Variants in ROBO1 observed in about 807,000 individuals in gnomAD.
The protein encoded by ROBO1 is roundabout homolog 1.
A neutral mutation model predicts 195.9 loss-of-function variants in ROBO1; 149 were observed. The ratio of observed to expected loss-of-function variants is 0.76; its 90% CI spans 0.67 to 0.87. The LOEUF (loss-of-function observed/expected upper bound fraction) is 0.87, where lower values mean the gene tolerates loss of function less well. ROBO1 is among the 40% of genes least tolerant of loss of function. ROBO1 has a pLI of 0.00. For missense variants in ROBO1, 1,933 were observed against 2,068.3 expected, an observed-to-expected ratio of 0.93 and a Z score of 1.27; for synonymous variants, 816 against 733.2, an observed-to-expected ratio of 1.11 and a Z score of -1.82.
intron 2 of ROBO1, among the ~76,000 whole-genome samples, chr3:79,546,007 T>C (rs6770763): frequency 0.72 from 108,899 of 151,886 alleles, 40,251 homozygotes; most frequent in African/African-American, 0.92. Flanking sequence ...CCTTTTTCTC[T>C]TCCTCCTGGC....
chr3:79,058,566 C>T (rs1160498005), intron 3 of ROBO1, among the ~76,000 whole-genome samples: 2 of 152,044 alleles, frequency 1.3e-5, no homozygotes, highest in South Asian at 4.1e-4. Flanking sequence ...AGACATTCTG[C>T]TTTGCTTACC....
intron 1 of ROBO1, among the ~76,000 whole-genome samples, chr3:79,668,499 G>T (rs558199950): frequency 6.6e-6 from 1 of 151,034 alleles, no homozygotes; most frequent in African/African-American, 2.4e-5. Flanking sequence ...TAATTAATTA[G>T]AAGTTATTAA....
In ROBO1 at chr3:78,685,729, AATGTTTT is replaced by A. The variant is rs749335812; in HGVS notation, c.1342+10_1342+16del. 4.5e-6 allele frequency: 7 copies of A among 1,550,466 alleles called. No homozygotes were observed. The African/African-American group carries it at 9.5e-5, about 21-fold the overall frequency. ...GTCAAACTTGGACATTTTGAAATAA[AATGTTTT>A]ACACTTTACCATCTGTAACTTCCAA... On this transcript the variant is annotated intron_variant, in intron 10 of 30. Transcript: ENST00000464233.
At chr3:79,013,745 G>C (rs913904751) in intron 3 of ROBO1, among the ~76,000 whole-genome samples, 9 of 152,106 alleles carry the variant, frequency 5.9e-5, no homozygotes, top group African/African-American at 2.2e-4. Flanking sequence ...TAATATCTTA[G>C]AAATAACAGC....
At chr3:79,400,575 G>A (rs993684109) in intron 2 of ROBO1, among the ~76,000 whole-genome samples, 5 of 152,034 alleles carry the variant, frequency 3.3e-5, no homozygotes, top group African/African-American at 1.2e-4. Flanking sequence ...TTGATAATAA[G>A]TTAGCTGTCA....
chr3:79,432,905 T>C (rs2038734162), intron 2 of ROBO1, among the ~76,000 whole-genome samples: 1 of 152,198 alleles, frequency 6.6e-6, no homozygotes, highest in African/African-American at 2.4e-5. Context: ...AATCCTGTCT[T>C]CAATATTAGT....
intron 3 of ROBO1, among the ~76,000 whole-genome samples, chr3:79,088,130 G>A (rs1334437321): frequency 6.6e-6 from 1 of 151,998 alleles, no homozygotes; most frequent in African/African-American, 2.4e-5. Flanking sequence ...TTCTCATGGG[G>A]CAAGACTTTA....
intron 2 of ROBO1, among the ~76,000 whole-genome samples, chr3:79,305,754 C>A (rs189327768): frequency 1.3e-5 from 2 of 151,986 alleles, no homozygotes; most frequent in Admixed American, 1.3e-4. Flanking sequence ...TAGTAAGAGA[C>A]GGAAAACTAC....
intron 2 of ROBO1, among the ~76,000 whole-genome samples, chr3:79,278,363 C>A (rs1027620757): frequency 2.7e-5 from 4 of 150,010 alleles, no homozygotes; most frequent in African/African-American, 1.0e-4. Flanking sequence ...CAAAAGCAAC[C>A]CTGAGCAAAA....
At chr3:78,896,767 T>A (rs1167752164) in intron 4 of ROBO1, among the ~76,000 whole-genome samples, 1 of 152,028 alleles carries the variant, frequency 6.6e-6, no homozygotes, top group Non-Finnish European at 1.5e-5. Context: ...TCATCAGCGC[T>A]TTGAAAATGC....
At chr3:79,685,901 T>G (rs985745202) in intron 1 of ROBO1, among the ~76,000 whole-genome samples, 1 of 152,108 alleles carries the variant, frequency 6.6e-6, no homozygotes, top group Non-Finnish European at 1.5e-5. Context: ...TACCAAAGCC[T>G]GGCAGAGACA....
intron 2 of ROBO1, among the ~76,000 whole-genome samples, chr3:79,186,131 A>C (rs1371679024): frequency 6.6e-6 from 1 of 152,100 alleles, no homozygotes; most frequent in Non-Finnish European, 1.5e-5. Flanking sequence ...TCTGTAGCCC[A>C]AGCTCTGTAT....
At chr3:79,597,526 A>C (rs1471758379) in intron 1 of ROBO1, among the ~76,000 whole-genome samples, 2 of 152,040 alleles carry the variant, frequency 1.3e-5, no homozygotes, top group Non-Finnish European at 2.9e-5. Context: ...AAAGCCTATA[A>C]TTTGTTTATG....
chr3:79,158,188 T>G (rs2080892316), intron 2 of ROBO1, among the ~76,000 whole-genome samples: 1 of 151,698 alleles, frequency 6.6e-6, no homozygotes, highest in East Asian at 1.9e-4. Flanking sequence ...CTGATGCAAT[T>G]TTCTTGATTA....
At chr3:79,666,751 T>A (rs2106870358) in intron 1 of ROBO1, among the ~76,000 whole-genome samples, 1 of 152,056 alleles carries the variant, frequency 6.6e-6, no homozygotes, top group Non-Finnish European at 1.5e-5. Flanking sequence ...TACCCATTCT[T>A]GGGTATGTCT....
At chr3:79,258,492 T>C (rs541141810) in intron 2 of ROBO1, among the ~76,000 whole-genome samples, 1 of 152,320 alleles carries the variant, frequency 6.6e-6, no homozygotes, top group East Asian at 1.9e-4. Flanking sequence ...AGGCATATTG[T>C]AAATATTTCA....
chr3:79,067,888 CCTT>C (rs1192570708), intron 3 of ROBO1, among the ~76,000 whole-genome samples: 1 of 151,838 alleles, frequency 6.6e-6, no homozygotes, highest in African/African-American at 2.4e-5. Context: ...TGGCTAATTC[CCTT>C]CTAACTTCAC....
intron 2 of ROBO1, among the ~76,000 whole-genome samples, chr3:79,567,524 A>G (rs1362630001): frequency 6.6e-6 from 1 of 152,174 alleles, no homozygotes; most frequent in Non-Finnish European, 1.5e-5. Flanking sequence ...GTGCATGTGC[A>G]ATCTTTATAT....
intron 2 of ROBO1, among the ~76,000 whole-genome samples, chr3:79,483,168 A>G (rs571221460): frequency 2.0e-5 from 3 of 152,330 alleles, no homozygotes; most frequent in Admixed American, 2.0e-4. Context: ...GCACTATCTA[A>G]TGTAACTTCT....
Sources: gnomAD v4.1 joint callset for allele counts (sites outside exome capture counted in the v4.1 genomes callset) on GRCh38, gnomAD v4.1.1 for gene constraint, MANE v1.5 for transcripts, NCBI Gene and HGNC (gene_info 2026-07-23, HGNC 2026-07-21) for gene names.